The following PCCA variants were observed in gnomAD, a reference collection of about 807,000 sequenced individuals.
PCCA encodes propionyl-CoA carboxylase alpha chain, mitochondrial.
A neutral mutation model predicts 101.3 loss-of-function variants in PCCA; 74 were observed. The ratio of observed to expected loss-of-function variants is 0.73; its 90% CI spans 0.61 to 0.89. PCCA has a LOEUF of 0.89. Ranked by LOEUF, PCCA falls within the 40% of genes least tolerant of loss-of-function variation. PCCA has a pLI of 0.00. For synonymous variants in PCCA, 294 were observed against 313.6 expected, an observed-to-expected ratio of 0.94 and a Z score of 0.66; for missense variants, 891 against 907.0, an observed-to-expected ratio of 0.98 and a Z score of 0.23.
In PCCA at chr13:100,211,814, C is replaced by T. The variant is rs115737036; in HGVS notation, c.600+2351C>T. Among the ~76,000 whole-genome samples, 1,086 of 152,192 alleles carry T rather than the reference C, an allele frequency of 7.1e-3. 12 individuals are homozygous for T. Among genetic ancestry groups the T allele is most frequent in the African/African-American group, 0.025 (1,037 of 41,524 alleles). On this transcript the variant is annotated intron_variant, in intron 7 of 23. Transcript: ENST00000376285. ...AGAGTGCAGTGGCATAGTCATGGCT[C>T]ACTGCAACGTCAACCTCGTGGGCTC...
rs371755151 is a variant in PCCA at position 100,272,017 on chromosome 13, T to C, written c.915-1179T>C. 3.3e-5 allele frequency among the ~76,000 whole-genome samples: 5 copies of C among 152,310 alleles called. No individual in the cohort carries two copies. In the South Asian group the frequency reaches 1.0e-3, roughly 32 times the overall value. On this transcript the variant is annotated intron_variant, in intron 11 of 23. Transcript: ENST00000376285. ...TTTGAGAATAATTTTAATCCACAAGTAGAAAAGTAGTTAATGTTTTGTTTC... is the reference window on the plus strand; with the variant it reads ...TTTGAGAATAATTTTAATCCACAAGCAGAAAAGTAGTTAATGTTTTGTTTC...
chr13:100,440,612 A>C (rs983740880), intron 20 of PCCA, among the ~76,000 whole-genome samples: 1 of 152,080 alleles, frequency 6.6e-6, no homozygotes, highest in Non-Finnish European at 1.5e-5. Context: ...ACACAAATGA[A>C]TTGGGAAGTA....
At chr13:100,414,789 T>C (rs916847987) in intron 19 of PCCA, among the ~76,000 whole-genome samples, 2 of 152,226 alleles carry the variant, frequency 1.3e-5, no homozygotes, top group Non-Finnish European at 2.9e-5. Context: ...CTATTTGATA[T>C]ATAAGTTAAT....
At chr13:100,093,506 A>G (rs1433671128) in intron 1 of PCCA, among the ~76,000 whole-genome samples, 1 of 152,174 alleles carries the variant, frequency 6.6e-6, no homozygotes, top group Non-Finnish European at 1.5e-5. Context: ...TTACTCAGAA[A>G]GTGTTTGTGG....
At chr13:100,089,335 C>G in intron 1 of PCCA, 110 bp downstream of exon 1, 1 of 1,301,870 alleles carries the variant, frequency 7.7e-7, no homozygotes, top group South Asian at 2.0e-5. Context: ...TGCCCCCGCG[C>G]CCCGGTTCCG....
chr13:100,317,600 G>A (rs1228549719), intron 16 of PCCA, among the ~76,000 whole-genome samples: 1 of 151,888 alleles, frequency 6.6e-6, no homozygotes, highest in Non-Finnish European at 1.5e-5. Flanking sequence ...TGTGGTTGTT[G>A]TTTTGAGACA....
Position 100,368,565 on chromosome 13 carries a change from A to G in PCCA, c.1737A>G (p.Ser579=), listed in dbSNP as rs1595621623. Residue 579 remains serine (S), a synonymous_variant, in exon 19 of 24, where the codon TCA becomes TCG. Coordinates refer to ENST00000376285, the MANE Select transcript of PCCA (RefSeq NM_000282.4). The part of the protein sequence containing the change: ...VHTVVASNNG[S]VFSVEVDGSK... Reference sequence around the variant, plus strand: ...CCGTAGTAGCATCAAACAATGGGTCAGTGTTCTCGGTGAGTTTTCTTTCTT... The same window carrying G: ...CCGTAGTAGCATCAAACAATGGGTCGGTGTTCTCGGTGAGTTTTCTTTCTT... 2 of 1,589,764 alleles carry G rather than the reference A, an allele frequency of 1.3e-6. No homozygotes were observed. The highest frequency in any genetic ancestry group is 1.7e-6 in the Non-Finnish European group (2 of 1,158,382).
At chr13:100,194,143 G>C (rs1283822622) in intron 6 of PCCA, among the ~76,000 whole-genome samples, 1 of 151,642 alleles carries the variant, frequency 6.6e-6, no homozygotes, top group Non-Finnish European at 1.5e-5. Flanking sequence ...GCTTTATAAT[G>C]TAGGCTATAG....
chr13:100,498,259 A>G (rs1435066101), intron 21 of PCCA, among the ~76,000 whole-genome samples: 2 of 148,170 alleles, frequency 1.3e-5, no homozygotes, highest in African/African-American at 5.0e-5. Flanking sequence ...AAAATTACCG[A>G]TTTTTTTTTA....
intron 19 of PCCA, among the ~76,000 whole-genome samples, chr13:100,412,944 A>T (rs573604951): frequency 5.3e-5 from 8 of 152,228 alleles, no homozygotes; most frequent in Non-Finnish European, 1.2e-4. Context: ...TAAATTTAAG[A>T]TAGAAACATA....
intron 4 of PCCA, among the ~76,000 whole-genome samples, chr13:100,131,196 C>T (rs1032760067): frequency 6.6e-6 from 1 of 152,054 alleles, no homozygotes; most frequent in African/African-American, 2.4e-5. Flanking sequence ...TCTGTGCAAA[C>T]GAAGGATTCA....
chr13:100,357,991 T>C (rs958319606), intron 18 of PCCA, among the ~76,000 whole-genome samples: 2 of 152,218 alleles, frequency 1.3e-5, no homozygotes, highest in African/African-American at 4.8e-5. Context: ...CTGAATGAAC[T>C]GAGCTAAAAT....
chr13:100,243,017 C>A (rs978976944), intron 8 of PCCA, among the ~76,000 whole-genome samples: 1 of 152,094 alleles, frequency 6.6e-6, no homozygotes, highest in African/African-American at 2.4e-5. Context: ...CTGCCTTAGC[C>A]CCCACTTAGC....
intron 2 of PCCA, among the ~76,000 whole-genome samples, chr13:100,103,931 C>T (rs1040262614): frequency 4.6e-5 from 7 of 152,142 alleles, no homozygotes; most frequent in Admixed American, 6.5e-5. Context: ...CCACTGTGCC[C>T]GGCCTATATG....
intron 12 of PCCA, among the ~76,000 whole-genome samples, chr13:100,286,522 A>C (rs536499671): frequency 6.6e-6 from 1 of 152,338 alleles, no homozygotes; most frequent in East Asian, 1.9e-4. Flanking sequence ...TTGCTTTACG[A>C]GGAACTTAAG....
intron 21 of PCCA, among the ~76,000 whole-genome samples, chr13:100,480,780 A>C (rs1194048787): frequency 1.3e-5 from 2 of 152,156 alleles, no homozygotes; most frequent in East Asian, 3.8e-4. Flanking sequence ...AGAAAGTAAA[A>C]ATTTCCTTGG....
chr13:100,297,719 A>G (rs1019362805), intron 12 of PCCA, among the ~76,000 whole-genome samples: 10 of 152,200 alleles, frequency 6.6e-5, no homozygotes, highest in African/African-American at 1.7e-4. Flanking sequence ...GGAGCTAAAC[A>G]TATTTATTCT....
intron 4 of PCCA, among the ~76,000 whole-genome samples, chr13:100,128,103 T>C (rs2152316410): frequency 6.6e-6 from 1 of 152,284 alleles, no homozygotes; most frequent in South Asian, 2.1e-4. Context: ...AAGGATTGAA[T>C]TACTGTTACT....
intron 18 of PCCA, among the ~76,000 whole-genome samples, chr13:100,362,650 C>T (rs901673455): frequency 1.3e-5 from 2 of 151,908 alleles, no homozygotes; most frequent in Non-Finnish European, 2.9e-5. Flanking sequence ...AAGCCCTTAT[C>T]GGTGGAAGAA....
Sources: allele counts gnomAD v4.1 joint callset (sites outside exome capture counted in the v4.1 genomes callset), GRCh38; gene constraint gnomAD v4.1.1; transcripts MANE v1.5; gene names NCBI Gene and HGNC (gene_info 2026-07-23, HGNC 2026-07-21).